NUDT5: variants seen among roughly 807,000 people sequenced by gnomAD.
The protein encoded by NUDT5 is ADP-sugar pyrophosphatase.
A neutral mutation model predicts 34.1 loss-of-function variants in NUDT5; 21 were observed. The observed-to-expected ratio is 0.62, with a 90% confidence interval of 0.44 to 0.89. The LOEUF is 0.89. NUDT5 is among the 40% of genes least tolerant of loss of function. The probability of loss-of-function intolerance (pLI) is 0.00; values close to 1 mark genes in which losing one functional copy is unlikely to be tolerated. For missense variants in NUDT5, 249 were observed against 274.8 expected (o/e 0.91, Z 0.66); for synonymous variants, 85 against 97.6 (o/e 0.87, Z 0.76).
At position 12,167,661 on chromosome 10, in the gene NUDT5, G is replaced by A. The variant is rs746296802; in HGVS notation, c.*41C>T. The A allele has an allele frequency of 1.3e-6, 2 of 1,579,054 alleles. No individual in the cohort carries two copies. Among genetic ancestry groups the A allele is most frequent in the Middle Eastern group, 1.7e-4 (1 of 6,030 alleles). ...TACAAAGTCTTAGTGAAGAAGGCCT[G>A]GTGGTCTCGTTTACAAAAATGGCCA... is the stretch of plus-strand genomic sequence containing the variant. On this transcript the variant is annotated 3_prime_UTR_variant, in exon 10 of 10. Coordinates refer to ENST00000491614, the MANE Select transcript of NUDT5 (RefSeq NM_014142.4).
intron 9 of NUDT5, 130 bp from the exon 10 acceptor site, chr10:12,167,941 T>G: frequency 1.4e-6 from 2 of 1,450,148 alleles, no homozygotes; most frequent in Non-Finnish European, 1.8e-6. Context: ...GATAACGTTT[T>G]TTTTGGTCTA....
Position 12,169,356 on chromosome 10 carries a change from TGC to T in NUDT5, c.550+1359_550+1360del. The T allele has an allele frequency of 6.8e-7, 1 of 1,464,630 alleles. No homozygotes were observed. The highest frequency in any genetic ancestry group is 9.3e-7 in the Non-Finnish European group (1 of 1,073,590). 90.7% of individuals were successfully genotyped at this position (1,464,630 alleles called of 1,614,324 possible). Reference sequence around the variant, plus strand: ...ATAACCCCGCACGGCATTTCACACTTGCCTACGTCACCCTGCTTTCCACGCAC... The same window carrying T: ...ATAACCCCGCACGGCATTTCACACTTCTACGTCACCCTGCTTTCCACGCAC... On this transcript the variant is annotated intron_variant, in intron 9 of 9. Transcript: ENST00000491614. This position sits in a 1 kb window ranked among gnomAD's most constrained non-coding sequence, Gnocchi z 4.8.
At position 12,173,188 on chromosome 10, in the gene NUDT5, CAG is replaced by C. The variant is rs936637333; in HGVS notation, c.386-324_386-323del. Among the ~76,000 whole-genome samples the C allele has an allele frequency of 1.4e-4, 21 of 152,318 alleles. No individual in the cohort carries two copies. The highest frequency in any genetic ancestry group is 3.3e-4 in the Admixed American group (5 of 15,304). ...CATGAGATGGGTGAGCAATAAAACT[CAG>C]GGGGTAGGAAATTCCTAAAGGCAAT... On this transcript the variant is annotated intron_variant, in intron 6 of 9. Transcript: ENST00000491614. This position sits in a 1 kb window ranked among gnomAD's most constrained non-coding sequence, Gnocchi z 4.7.
In NUDT5 at chr10:12,170,935, T is replaced by C. The variant is rs966789955; in HGVS notation, c.488-27A>G. The C allele has an allele frequency of 2.5e-6, 4 of 1,611,838 alleles. No individual in the cohort carries two copies. The African/African-American group carries it at 5.3e-5, about 22-fold the overall frequency. ...TGGAAATAAACAGAAGGAAAACATT[T>C]CAGCAAGGCCTGGAGTGGTAACATC... is the stretch of plus-strand genomic sequence containing the variant. On this transcript the variant is annotated intron_variant, in intron 7 of 9. Coordinates refer to ENST00000491614, the MANE Select transcript of NUDT5 (RefSeq NM_014142.4). The surrounding 1 kb of genome is among the most constrained non-coding windows in gnomAD (Gnocchi z 4.9).
Position 12,170,961 on chromosome 10 carries a change from G to A in NUDT5, c.488-53C>T, listed in dbSNP as rs529240538. On this transcript the variant is annotated intron_variant, in intron 7 of 9. Coordinates refer to ENST00000491614, the MANE Select transcript of NUDT5 (RefSeq NM_014142.4). The surrounding 1 kb of genome is among the most constrained non-coding windows in gnomAD (Gnocchi z 4.9). Reference sequence around the variant, plus strand: ...CAGCAAGGCCTGGAGTGGTAACATCGGAAGACTTTTATACAAGAGGCGTCA... The same window carrying A: ...CAGCAAGGCCTGGAGTGGTAACATCAGAAGACTTTTATACAAGAGGCGTCA... 1.5e-5 allele frequency: 24 copies of A among 1,598,886 alleles called. No homozygotes were observed. Among genetic ancestry groups the A allele is most frequent in the Middle Eastern group, 1.8e-4 (1 of 5,698 alleles).
At chr10:12,184,645 C>A in intron 3 of NUDT5, 2 of 918,332 alleles carry the variant, frequency 2.2e-6, no homozygotes, top group Non-Finnish European at 3.2e-6. Context: ...TAGGTCTACA[C>A]TTGTCTACTT....
At chr10:12,195,224 T>C (rs1356622958) in intron 1 of NUDT5, among the ~76,000 whole-genome samples, 3 of 152,168 alleles carry the variant, frequency 2.0e-5, no homozygotes, top group Non-Finnish European at 4.4e-5. Flanking sequence ...AACTGAACTT[T>C]GCTGGGTGAC....
chr10:12,184,526 A>G, intron 3 of NUDT5: 1 of 1,542,014 alleles, frequency 6.5e-7, no homozygotes, highest in Non-Finnish European at 8.8e-7. Context: ...TTTTCTCTTT[A>G]TTTCTTCTAA....
rs187784743 is a variant in NUDT5 at position 12,173,830 on chromosome 10, T to C, written c.290-17A>G. On this transcript the variant is annotated splice_polypyrimidine_tract_variant and intron_variant, in intron 5 of 9. Transcript: ENST00000491614. This position sits in a 1 kb window ranked among gnomAD's most constrained non-coding sequence, Gnocchi z 4.7. ...CTATGAGACCTGCAAGTCCAAATCA[T>C]TGGTGTGATGGGAGCGGGAAATCCG... The C allele has an allele frequency of 3.6e-5, 57 of 1,583,114 alleles. No individual in the cohort carries two copies. The highest frequency in any genetic ancestry group is 5.5e-5 in the South Asian group (5 of 90,452).
In NUDT5 at chr10:12,175,369, G is replaced by T. The variant is rs1834930863; in HGVS notation, c.290-1556C>A. On this transcript the variant is annotated intron_variant, in intron 5 of 9. Transcript: ENST00000491614. This position sits in a 1 kb window ranked among gnomAD's most constrained non-coding sequence, Gnocchi z 4.8. The stretch of plus-strand genomic sequence containing the variant: ...ATAAAATAATGAAAAACTCAGGCTG[G>T]GTGTGGTGGCTCACGCCTGTAATCC... 6.6e-6 allele frequency among the ~76,000 whole-genome samples: 1 copy of T among 152,000 alleles called. No homozygotes were observed. The highest frequency in any genetic ancestry group is 2.4e-5 in the African/African-American group (1 of 41,394).
At chr10:12,185,290 G>A (rs1347558855) in intron 2 of NUDT5, among the ~76,000 whole-genome samples, 2 of 152,200 alleles carry the variant, frequency 1.3e-5, no homozygotes, top group Non-Finnish European at 2.9e-5. Context: ...GTCCTGGGAC[G>A]CTCCTGATGG....
Position 12,177,831 on chromosome 10 carries a change from C to A in NUDT5, c.251G>T (p.Arg84Leu). The change falls in exon 5 of 10, where the codon CGA becomes CTA. Residue 84 changes from arginine (R) to leucine (L), a missense_variant. Physicochemically the swap from Arg to Leu is moderately radical, Grantham distance 102 (BLOSUM62 -2). Coordinates refer to ENST00000491614, the MANE Select transcript of NUDT5 (RefSeq NM_014142.4). ...YECIVLVKQF[R>L]PPMGGYCIEF... ...TATGCAGTAGCCCCCCATTGGTGGT[C>A]GGAACTGTTTCACCAGAACGATACA... 6.2e-7 allele frequency: 1 copy of A among 1,614,076 alleles called. No individual in the cohort carries two copies. The highest frequency in any genetic ancestry group is 8.5e-7 in the Non-Finnish European group (1 of 1,179,992).
At chr10:12,178,226 G>A (rs914563072) in intron 4 of NUDT5, among the ~76,000 whole-genome samples, 3 of 152,164 alleles carry the variant, frequency 2.0e-5, no homozygotes, top group Admixed American at 6.5e-5. Flanking sequence ...ACTTTCCAGC[G>A]TGTGGCAGCC....
At chr10:12,178,760 T>C (rs1433487822) in intron 4 of NUDT5, among the ~76,000 whole-genome samples, 3 of 152,338 alleles carry the variant, frequency 2.0e-5, no homozygotes, top group Middle Eastern at 3.4e-3. Context: ...GCCTCTCATC[T>C]AGATCCTTCC....
At chr10:12,191,155 G>C (rs958712407) in intron 1 of NUDT5, among the ~76,000 whole-genome samples, 8 of 151,968 alleles carry the variant, frequency 5.3e-5, no homozygotes, top group Non-Finnish European at 8.8e-5. Flanking sequence ...AGGCCGAGGC[G>C]GGTGGATCAC....
chr10:12,195,364 G>A (rs1835317348), intron 1 of NUDT5, among the ~76,000 whole-genome samples: 1 of 152,156 alleles, frequency 6.6e-6, no homozygotes, highest in African/African-American at 2.4e-5. Flanking sequence ...TGCGAGGCCA[G>A]ACTAAACGAA....
intron 4 of NUDT5, among the ~76,000 whole-genome samples, 186 bp from the exon 5 acceptor site, chr10:12,178,086 C>T (rs1235288599): frequency 3.3e-5 from 5 of 152,152 alleles, no homozygotes; most frequent in African/African-American, 1.2e-4. Flanking sequence ...ATGTTGTTTA[C>T]ACTTTCTTTT....
At position 12,170,025 on chromosome 10, in the gene NUDT5, G is replaced by A. The variant is rs1485039152; in HGVS notation, c.550+692C>T. 5.4e-6 allele frequency: 7 copies of A among 1,304,250 alleles called. No individual in the cohort carries two copies. The highest frequency in any genetic ancestry group is 6.6e-6 in the Non-Finnish European group (6 of 911,358). 80.8% of individuals were successfully genotyped at this position (1,304,250 alleles called of 1,614,324 possible). On this transcript the variant is annotated intron_variant, in intron 9 of 9. Transcript: ENST00000491614. This position sits in a 1 kb window ranked among gnomAD's most constrained non-coding sequence, Gnocchi z 4.9. Reference sequence around the variant, plus strand: ...AGCCCATACAGAGGTGCTCCTTGAAGGGCCCATGGTATGTCTCCATACAGT... The same window carrying A: ...AGCCCATACAGAGGTGCTCCTTGAAAGGCCCATGGTATGTCTCCATACAGT...
chr10:12,167,975 T>A, intron 9 of NUDT5, 164 bp from the exon 10 acceptor site: 1 of 1,294,272 alleles, frequency 7.7e-7, no homozygotes, highest in Non-Finnish European at 1.0e-6. Context: ...GAATAAAGAC[T>A]ATAAAGGCAA....
Sources: allele counts gnomAD v4.1 joint callset (sites outside exome capture counted in the v4.1 genomes callset), GRCh38; gene constraint gnomAD v4.1.1; non-coding constraint Gnocchi (gnomAD v3.1); transcripts MANE v1.5; gene names NCBI Gene and HGNC (gene_info 2026-07-23, HGNC 2026-07-21).